The following PPP2R3B variants were observed in gnomAD, a reference collection of about 807,000 sequenced individuals.
The protein encoded by PPP2R3B is serine/threonine-protein phosphatase 2A regulatory subunit B'' subunit beta.
In PPP2R3B, 68 loss-of-function variants were observed where a neutral mutation model predicts 72.9. That is an observed-to-expected ratio of 0.93 (90% CI 0.77 to 1.14). PPP2R3B has a LOEUF of 1.14. Ranked by LOEUF, PPP2R3B falls within the 50% of genes most tolerant of loss-of-function variation. PPP2R3B has a pLI of 0.00. For synonymous variants in PPP2R3B, 466 were observed against 375.8 expected (o/e 1.24, Z -2.78); for missense variants, 1,018 against 842.0 (o/e 1.21, Z -2.59).
intron 3 of PPP2R3B, 78 bp downstream of exon 3, chrX:347,512 G>T: frequency 6.8e-7 from 1 of 1,460,808 alleles, no homozygotes; most frequent in Non-Finnish European, 9.4e-7. Context: ...GCCTCAGGGG[G>T]CACCCGTCCT....
At position 361,073 on chromosome X, in the gene PPP2R3B, C is replaced by T. The variant is rs774005397; in HGVS notation, c.510+332G>A. 3.9e-5 allele frequency among the ~76,000 whole-genome samples: 6 copies of T among 152,274 alleles called. No individual in the cohort carries two copies. The South Asian group carries it at 8.3e-4, about 21-fold the overall frequency. ...GGCCTCCGAGAGCCACGAGAGCTGG[C>T]GCCACTGGCCCCGGAGGGGAGAGAA... On this transcript the variant is annotated intron_variant, in intron 2 of 12. Transcript: ENST00000390665.
chrX:363,459 C>G (rs750967689), intron 1 of PPP2R3B, among the ~76,000 whole-genome samples: 1,404 of 147,696 alleles, frequency 9.5e-3, no homozygotes, highest in Admixed American at 0.016. Flanking sequence ...CCCGAGCCCA[C>G]CATCCCACAA....
At chrX:373,663 CG>C in intron 1 of PPP2R3B, 1 of 256,114 alleles carries the variant, frequency 3.9e-6, no homozygotes, top group Non-Finnish European at 8.3e-6. Context: ...CGCATGCCGC[CG>C]GCGCGCAGGG....
chrX:346,910 G>A lies in PPP2R3B; in HGVS notation c.718-135C>T, dbSNP rs1460998578. On this transcript the variant is annotated intron_variant, in intron 4 of 12. Coordinates refer to ENST00000390665, the MANE Select transcript of PPP2R3B (RefSeq NM_013239.5). ...TGTAGACGCCGGCCCTCCCGTGAGGGATGAGGCGTATGGTGTAGACGCCGG... is the reference window on the plus strand; with the variant it reads ...TGTAGACGCCGGCCCTCCCGTGAGGAATGAGGCGTATGGTGTAGACGCCGG... 120 of 853,070 alleles carry A rather than the reference G, an allele frequency of 1.4e-4. No homozygotes were observed. The South Asian group carries it at 1.9e-3, about 13-fold the overall frequency. The allele number at this position is 853,070 out of a possible 1,614,324, so 52.8% of individuals were successfully genotyped here.
chrX:344,869 C>T, intron 7 of PPP2R3B: 1 of 317,638 alleles, frequency 3.1e-6, no homozygotes, highest in Non-Finnish European at 6.2e-6. Context: ...TATGAGTCGA[C>T]CACACACAAC....
intron 1 of PPP2R3B, among the ~76,000 whole-genome samples, chrX:379,090 C>T (rs117909872): frequency 0.13 from 17,802 of 140,264 alleles, 1,057 homozygotes; most frequent in Middle Eastern, 0.22. Context: ...TATGCACCTA[C>T]GTGTGTGTGT....
chrX:386,485 G>A lies in PPP2R3B; in HGVS notation c.207C>T (p.Ser69=), dbSNP rs1185679326. Residue 69 remains serine, a synonymous_variant, in exon 1 of 13, where the codon AGC becomes AGT. Coordinates refer to ENST00000390665, the MANE Select transcript of PPP2R3B (RefSeq NM_013239.5). ...CGGGGGTTCCCGGGGGTTCGAGCCC[G>A]CTGGGCCGGGGGGCGGCGAGCGGGG... ...PTAPLAAPRP[S]GLEPPGTPGP... 1.6e-6 allele frequency: 2 copies of A among 1,280,262 alleles called. No individual in the cohort carries two copies. Among genetic ancestry groups the A allele is most frequent in the East Asian group, 6.3e-5 (2 of 31,978 alleles). The allele number at this position is 1,280,262 out of a possible 1,614,324, so 79.3% of individuals were successfully genotyped here. A position where few individuals can be genotyped will look rare whatever the true frequency, so the allele number is the denominator to read the frequency against.
intron 8 of PPP2R3B, 143 bp from the exon 9 acceptor site, chrX:341,539 C>T (rs1463551597): frequency 6.9e-6 from 6 of 867,938 alleles, no homozygotes; most frequent in African/African-American, 3.3e-5. Flanking sequence ...CTCCTCCTGC[C>T]TCTCCGGGGA....
intron 1 of PPP2R3B, among the ~76,000 whole-genome samples, chrX:367,836 G>C (rs969692794): frequency 3.3e-5 from 5 of 152,202 alleles, no homozygotes; most frequent in African/African-American, 9.7e-5. Context: ...TAAGGACCCA[G>C]AGGCTACACA....
intron 1 of PPP2R3B, among the ~76,000 whole-genome samples, chrX:362,101 C>T (rs1038586472): frequency 5.3e-5 from 8 of 152,126 alleles, no homozygotes; most frequent in Non-Finnish European, 1.0e-4. Flanking sequence ...GGGCAGGCAA[C>T]CACACAGCCA....
intron 1 of PPP2R3B, among the ~76,000 whole-genome samples, chrX:363,164 C>A (rs1411449111): frequency 2.5e-4 from 35 of 139,112 alleles, no homozygotes; most frequent in Non-Finnish European, 4.9e-4. Flanking sequence ...CACCCCTTCC[C>A]TGTGATTCAG....
At chrX:358,823 G>T (rs1296193616) in intron 2 of PPP2R3B, among the ~76,000 whole-genome samples, 2 of 115,858 alleles carry the variant, frequency 1.7e-5, no homozygotes, top group Non-Finnish European at 4.2e-5. Flanking sequence ...GCGGCACCAC[G>T]GTGGGGGGAG....
Position 334,331 on chromosome X carries a change from GGGA to G in PPP2R3B, c.*33_*35del. 6.9e-7 allele frequency: 1 copy of G among 1,449,642 alleles called. No homozygotes were observed. Among genetic ancestry groups the G allele is most frequent in the East Asian group, 2.6e-5 (1 of 37,886 alleles). The allele number at this position is 1,449,642 out of a possible 1,614,324, so 89.8% of individuals were successfully genotyped here. A position where few individuals can be genotyped will look rare whatever the true frequency, so the allele number is the denominator to read the frequency against. On this transcript the variant is annotated 3_prime_UTR_variant, in exon 13 of 13. Coordinates refer to ENST00000390665, the MANE Select transcript of PPP2R3B (RefSeq NM_013239.5). ...CGCGGTGGCCCGGTGGTGGCACGTG[GGGA>G]GCGGCCCCGCGGCGGCGTTCTCGCG...
intron 2 of PPP2R3B, among the ~76,000 whole-genome samples, chrX:360,784 C>T (rs1406721240): frequency 3.9e-5 from 6 of 152,208 alleles, no homozygotes; most frequent in East Asian, 3.9e-4. Context: ...GGTCCAGACA[C>T]GCATCTCTGG....
chrX:334,072 T>G lies in PPP2R3B; in HGVS notation c.*295A>C, dbSNP rs2070816576. The G allele has an allele frequency of 3.1e-6, 1 of 323,034 alleles. No individual in the cohort carries two copies. The highest frequency in any genetic ancestry group is 5.0e-5 in the Admixed American group (1 of 19,860). The allele number at this position is 323,034 out of a possible 1,614,324, so 20.0% of individuals were successfully genotyped here. On this transcript the variant is annotated 3_prime_UTR_variant, in exon 13 of 13. Coordinates refer to ENST00000390665, the MANE Select transcript of PPP2R3B (RefSeq NM_013239.5). Reference sequence around the variant, plus strand: ...GTCACCGTTGTGCGCACACGGACCCTTTCCACAGACGCAGGCCCCGGAACC... The same window carrying G: ...GTCACCGTTGTGCGCACACGGACCCGTTCCACAGACGCAGGCCCCGGAACC...
At chrX:380,786 CAAAAAAAAAAAAAA>C (rs1054118917) in intron 1 of PPP2R3B, among the ~76,000 whole-genome samples, 2 of 53,124 alleles carry the variant, frequency 3.8e-5, no homozygotes. Flanking sequence ...AACTCCATCT[CAAAAAAAAAAAAAA>C]AAAAAAAAAA....
rs760073354 is a variant in PPP2R3B at position 364,600 on chromosome X, C to G, written c.325-3010G>C. On this transcript the variant is annotated intron_variant, in intron 1 of 12. Coordinates refer to ENST00000390665, the MANE Select transcript of PPP2R3B (RefSeq NM_013239.5). ...GGGTGTGGTGGAGGGTGCCTGTACT[C>G]CCAGCTACTCGGGAGGCTGAGGCAG... is the stretch of plus-strand genomic sequence containing the variant. Among the ~76,000 whole-genome samples the G allele has an allele frequency of 8.1e-5, 12 of 148,974 alleles. 3 individuals are homozygous for G. The East Asian group carries it at 1.6e-3, about 20-fold the overall frequency.
chrX:353,296 C>T (rs1367824694), intron 2 of PPP2R3B, among the ~76,000 whole-genome samples: 1 of 151,990 alleles, frequency 6.6e-6, no homozygotes, highest in Non-Finnish European at 1.5e-5. Flanking sequence ...ATGGCTTGAA[C>T]CCAGGAGGCG....
intron 8 of PPP2R3B, 72 bp downstream of exon 8, chrX:341,811 G>C: frequency 6.5e-7 from 1 of 1,531,540 alleles, no homozygotes; most frequent in African/African-American, 1.4e-5. Flanking sequence ...CTCACGTCAG[G>C]CAACGATGAG....
Sources: gnomAD v4.1 joint callset for allele counts (sites outside exome capture counted in the v4.1 genomes callset) on GRCh38, gnomAD v4.1.1 for gene constraint, MANE v1.5 for transcripts, NCBI Gene and HGNC (gene_info 2026-07-23, HGNC 2026-07-21) for gene names.